The following SOX5 variants were observed in gnomAD, a reference collection of about 807,000 sequenced individuals.
SOX5 encodes the protein transcription factor SOX-5.
A neutral mutation model predicts 92.0 loss-of-function variants in SOX5; 9 were observed. The observed-to-expected ratio is 0.10, with a 90% CI of 0.06 to 0.17. The LOEUF is 0.17. Ranked by LOEUF, SOX5 falls within the 10% of genes least tolerant of loss-of-function variation. The pLI, the probability that SOX5 is intolerant of heterozygous loss-of-function variation, is 1.00. For synonymous variants in SOX5, 344 were observed against 336.3 expected (o/e 1.02, Z -0.25); for missense variants, 642 against 944.5 (o/e 0.68, Z 4.20).
rs982382097 is a variant in SOX5, at chr12:23,530,137, G to A, written c.*4082C>T. 5 of 152,180 alleles carry A rather than the reference G, an allele frequency of 3.3e-5. No individual in the cohort carries two copies. Among genetic ancestry groups the A allele is most frequent in the African/African-American group, 7.2e-5 (3 of 41,428 alleles). 9.4% of individuals were successfully genotyped at this position (152,180 alleles called of 1,614,324 possible). A position where few individuals can be genotyped will look rare whatever the true frequency, so the allele number is the denominator to read the frequency against. On this transcript the variant is annotated 3_prime_UTR_variant, in exon 15 of 15. Transcript: ENST00000451604. ...CAAAGGGATACCTGAACCACTTTAA[G>A]TGGCCTTCATAGTTTTCCTTGCAGA...
chr12:23,892,955 G>T (rs2097143016), intron 2 of SOX5, among the ~76,000 whole-genome samples: 1 of 152,160 alleles, frequency 6.6e-6, no homozygotes, highest in African/African-American at 2.4e-5. Context: ...GCTACGGTGA[G>T]CTATGATTGT....
intron 3 of SOX5, among the ~76,000 whole-genome samples, chr12:24,254,290 G>T (rs1233163777): frequency 2.0e-5 from 3 of 151,170 alleles, no homozygotes; most frequent in Non-Finnish European, 4.4e-5. Context: ...CACAGGAAAG[G>T]CAAGTTAGAA....
intron 1 of SOX5, among the ~76,000 whole-genome samples, chr12:24,469,668 C>A (rs1944592100): frequency 6.6e-6 from 1 of 152,146 alleles, no homozygotes. Flanking sequence ...GATATCTATT[C>A]TCTGTGGAAT....
intron 7 of SOX5, 40 bp downstream of exon 7, chr12:23,665,404 C>T (rs761338754): frequency 7.5e-6 from 12 of 1,608,708 alleles, no homozygotes; most frequent in Non-Finnish European, 1.0e-5. Context: ...TAAAGCTTTG[C>T]CCTCCACCCA....
chr12:23,791,795 T>C (rs932946375), intron 3 of SOX5, among the ~76,000 whole-genome samples: 3 of 151,906 alleles, frequency 2.0e-5, no homozygotes, highest in Admixed American at 6.6e-5. Flanking sequence ...TTATAATAAG[T>C]GAAATACTGA....
intron 4 of SOX5, among the ~76,000 whole-genome samples, chr12:24,103,987 A>G (rs1946386665): frequency 6.6e-6 from 1 of 152,218 alleles, no homozygotes; most frequent in Non-Finnish European, 1.5e-5. Flanking sequence ...CTGTGCAAGC[A>G]TTGTTTTCCC....
At chr12:24,010,678 T>C (rs112116214) in intron 4 of SOX5, among the ~76,000 whole-genome samples, 25,147 of 152,208 alleles carry the variant, frequency 0.17, 2,307 homozygotes, top group Non-Finnish European at 0.21. Context: ...CTCATGCCTG[T>C]AATCCCAGCA....
At chr12:24,414,142 C>A (rs957701708) in intron 1 of SOX5, among the ~76,000 whole-genome samples, 3 of 152,128 alleles carry the variant, frequency 2.0e-5, no homozygotes. Flanking sequence ...TTTACTTGGG[C>A]TCAAATCCAT....
rs1339560028 is a variant in SOX5, at chr12:23,534,352, G to A, written c.2159C>T (p.Pro720Leu). 6.2e-7 allele frequency: 1 copy of A among 1,613,852 alleles called. No homozygotes were observed. Among genetic ancestry groups the A allele is most frequent in the Admixed American group, 1.7e-5 (1 of 59,968 alleles). ...QSTYGVKGEE[P>L]HIKEEIQAED... ...GGCCTGTATCTCTTCTTTGATATGT[G>A]GCTCCTCTCCTTTCACACCGTAAGT... Residue 720 changes from proline (P) to leucine (L), a missense_variant, in exon 15 of 15, where the codon CCA becomes CTA. Transcript: ENST00000451604.
intron 1 of SOX5, among the ~76,000 whole-genome samples, chr12:24,547,270 C>T (rs1952722761): frequency 6.8e-6 from 1 of 147,260 alleles, no homozygotes; most frequent in Non-Finnish European, 1.5e-5. Context: ...CGGCTCAATG[C>T]AAGCTCCGCT....
chr12:23,797,487 A>G (rs2095585860), intron 3 of SOX5, among the ~76,000 whole-genome samples: 4 of 151,796 alleles, frequency 2.6e-5, no homozygotes, highest in South Asian at 2.1e-4. Context: ...CAAAGTGATA[A>G]CTCTTCGGCA....
chr12:24,520,331 G>A (rs569005850), intron 1 of SOX5, among the ~76,000 whole-genome samples: 86 of 151,936 alleles, frequency 5.7e-4, no homozygotes, highest in African/African-American at 1.9e-3. Flanking sequence ...TATAAAATTC[G>A]ATAAAAATTT....
At chr12:23,622,340 A>G (rs1488459532) in intron 8 of SOX5, among the ~76,000 whole-genome samples, 2 of 152,038 alleles carry the variant, frequency 1.3e-5, no homozygotes, top group Non-Finnish European at 2.9e-5. Flanking sequence ...TTTAAGGGCT[A>G]GAAGTCTATT....
chr12:23,949,766 G>GTCTCTCTCTCTC (rs143438082), upstream of SOX5: 533 of 472,342 alleles, frequency 1.1e-3, no homozygotes, highest in Non-Finnish European at 1.5e-3. Flanking sequence ...CTCTCTCTCT[G>GTCTCTCTCTCTC]TCTCTCTCTC....
chr12:24,148,966 A>G (rs1023340634), intron 4 of SOX5, among the ~76,000 whole-genome samples: 13 of 152,150 alleles, frequency 8.5e-5, no homozygotes, highest in African/African-American at 3.1e-4. Context: ...AAGGTACAAA[A>G]CAAACTCAGT....
chr12:24,221,414 G>A (rs1217409627), intron 3 of SOX5, among the ~76,000 whole-genome samples: 1 of 152,160 alleles, frequency 6.6e-6, no homozygotes, highest in Non-Finnish European at 1.5e-5. Context: ...TCAAATAAGA[G>A]TTTAATAAAT....
intron 7 of SOX5, 29 bp from the exon 8 acceptor site, chr12:23,640,926 C>T (rs1422044753): frequency 2.1e-6 from 3 of 1,428,680 alleles, no homozygotes; most frequent in Non-Finnish European, 9.8e-7. Context: ...GAGGCGTCAG[C>T]ACCTTTTATC....
At chr12:24,220,148 A>T (rs1415144959) in intron 3 of SOX5, among the ~76,000 whole-genome samples, 2 of 152,222 alleles carry the variant, frequency 1.3e-5, no homozygotes, top group East Asian at 3.9e-4. Flanking sequence ...AATGTGAAAA[A>T]TTACAAGGTA....
intron 4 of SOX5, among the ~76,000 whole-genome samples, chr12:24,030,092 A>C (rs1955318603): frequency 6.6e-6 from 1 of 151,902 alleles, no homozygotes; most frequent in Admixed American, 6.6e-5. Context: ...GTAAATAATG[A>C]AGGGGCTTGG....
Sources: gnomAD v4.1 joint callset for allele counts (sites outside exome capture counted in the v4.1 genomes callset) on GRCh38, gnomAD v4.1.1 for gene constraint, MANE v1.5 for transcripts, NCBI Gene and HGNC (gene_info 2026-07-23, HGNC 2026-07-21) for gene names.